ABI2: variants seen among roughly 807,000 people sequenced by gnomAD.
The protein encoded by ABI2 is abelson interactor 2.
ABI2 carries 25 observed loss-of-function variants against 59.2 expected under a neutral mutation model. The observed-to-expected ratio is 0.42, with a 90% CI of 0.31 to 0.59. The LOEUF is 0.59. Ranked by LOEUF, ABI2 falls within the 20% of genes least tolerant of loss-of-function variation. ABI2 has a pLI of 0.14. For synonymous variants in ABI2, 213 were observed against 235.5 expected, an observed-to-expected ratio of 0.90 and a Z score of 0.87; for missense variants, 545 against 681.8, an observed-to-expected ratio of 0.80 and a Z score of 2.23.
chr2:203,337,322 C>T (rs1422734366), intron 1 of ABI2, among the ~76,000 whole-genome samples: 3 of 152,066 alleles, frequency 2.0e-5, no homozygotes, highest in Non-Finnish European at 4.4e-5. Flanking sequence ...GATCAACATA[C>T]AAAAATCTGT....
chr2:203,414,006 T>G (rs1425723821), intron 10 of ABI2, among the ~76,000 whole-genome samples: 3 of 152,172 alleles, frequency 2.0e-5, no homozygotes, highest in Non-Finnish European at 2.9e-5. Flanking sequence ...GTAAGGCCCT[T>G]CCTGCCTCAT....
chr2:203,431,357 T>TA lies in ABI2; in HGVS notation c.*4007dup, dbSNP rs1455249681. The TA allele has an allele frequency of 1.3e-5, 2 of 152,648 alleles. No homozygotes were observed. Among genetic ancestry groups the TA allele is most frequent in the African/African-American group, 4.8e-5 (2 of 41,460 alleles). 9.5% of individuals were successfully genotyped at this position (152,648 alleles called of 1,614,324 possible). The stretch of plus-strand genomic sequence containing the variant: ...ATGTGCTGTATTTTTCTTTAAAAGT[T>TA]AAGAGTTCTATTTGGTGTTTTCAGG... On this transcript the variant is annotated 3_prime_UTR_variant, in exon 12 of 12. Coordinates refer to ENST00000261018, the MANE Select transcript of ABI2 (RefSeq NM_001375670.1).
At chr2:203,396,627 G>A (rs1462498496) in intron 7 of ABI2, among the ~76,000 whole-genome samples, 158 bp from the exon 8 acceptor site, 2 of 152,122 alleles carry the variant, frequency 1.3e-5, no homozygotes, top group African/African-American at 4.8e-5. Context: ...TGCTTATATA[G>A]TAATCCTTTA....
intron 1 of ABI2, among the ~76,000 whole-genome samples, chr2:203,335,856 T>A (rs559277745): frequency 5.9e-5 from 9 of 152,336 alleles, no homozygotes; most frequent in Non-Finnish European, 1.0e-4. Context: ...CAAGTCACCC[T>A]TTTTAGGTGT....
intron 2 of ABI2, among the ~76,000 whole-genome samples, chr2:203,378,303 G>A (rs1329202280): frequency 1.3e-5 from 2 of 152,114 alleles, no homozygotes; most frequent in African/African-American, 2.4e-5. Flanking sequence ...AGTAGAGACG[G>A]GGTTTCACCG....
intron 11 of ABI2, among the ~76,000 whole-genome samples, chr2:203,424,860 A>G (rs994318447): frequency 1.1e-4 from 17 of 152,100 alleles, no homozygotes; most frequent in African/African-American, 2.7e-4. Context: ...TGTAAATTCT[A>G]TCTAATCTAG....
chr2:203,419,767 AC>A (rs1286367082), intron 11 of ABI2, among the ~76,000 whole-genome samples: 1 of 151,922 alleles, frequency 6.6e-6, no homozygotes. Flanking sequence ...GGCGGGCCGA[AC>A]ACCTGAGGTT....
chr2:203,399,598 C>G (rs2153429811), intron 8 of ABI2, among the ~76,000 whole-genome samples: 1 of 152,326 alleles, frequency 6.6e-6, no homozygotes, highest in African/African-American at 2.4e-5. Flanking sequence ...TCACTGCAAT[C>G]TCCGCCTCGC....
At chr2:203,411,519 A>G in intron 10 of ABI2, 148 bp downstream of exon 10, 3 of 652,776 alleles carry the variant, frequency 4.6e-6, no homozygotes, top group Non-Finnish European at 7.7e-6. Flanking sequence ...GAGATAAAAT[A>G]GAGAAATTTT....
chr2:203,345,698 C>G (rs761027989), intron 1 of ABI2, among the ~76,000 whole-genome samples: 16 of 151,130 alleles, frequency 1.1e-4, no homozygotes, highest in Admixed American at 3.9e-4. Context: ...CCTGAGCCAC[C>G]ACGCCCAGCC....
intron 9 of ABI2, among the ~76,000 whole-genome samples, chr2:203,405,805 G>T (rs1209339219): frequency 6.6e-6 from 1 of 152,136 alleles, no homozygotes; most frequent in Non-Finnish European, 1.5e-5. Context: ...TATAAATTCA[G>T]TGGGGTTCTG....
At chr2:203,340,170 A>T (rs12617119) in intron 1 of ABI2, among the ~76,000 whole-genome samples, 151,650 of 152,284 alleles carry the variant, frequency 1, 75,511 homozygotes, top group East Asian at 1. Context: ...ATCTAAAAAG[A>T]TGAACCCATA....
At position 203,353,554 on chromosome 2, in the gene ABI2, A is replaced by G. The variant is rs553393862; in HGVS notation, c.118-13323A>G. Among the ~76,000 whole-genome samples, 87 of 152,288 alleles carry G rather than the reference A, an allele frequency of 5.7e-4. 1 individual carries two copies. Among genetic ancestry groups the G allele is most frequent in the Middle Eastern group, 3.4e-3 (1 of 294 alleles). ...GAGTGCAGTGGCATGGTCTTCTCTCACAGCAACCTCTGCCTCCCGGGCTCA... is the reference window on the plus strand; with the variant it reads ...GAGTGCAGTGGCATGGTCTTCTCTCGCAGCAACCTCTGCCTCCCGGGCTCA... On this transcript the variant is annotated intron_variant, in intron 1 of 11. Coordinates refer to ENST00000261018, the MANE Select transcript of ABI2 (RefSeq NM_001375670.1).
Position 203,395,916 on chromosome 2 carries a change from T to G in ABI2, c.850+136T>G, listed in dbSNP as rs1253625160. ...TCATAAATATTGGGAAGTCTATATA[T>G]TTGTTATTTGTAAGCAAGTGATTTG... On this transcript the variant is annotated intron_variant, in intron 7 of 11. Transcript: ENST00000261018. 7.5e-6 allele frequency: 8 copies of G among 1,060,064 alleles called. No individual in the cohort carries two copies. The Admixed American group carries it at 2.1e-4, about 27-fold the overall frequency. 65.7% of individuals were successfully genotyped at this position (1,060,064 alleles called of 1,614,324 possible).
intron 1 of ABI2, among the ~76,000 whole-genome samples, chr2:203,338,703 G>A (rs965556708): frequency 6.6e-6 from 1 of 151,334 alleles, no homozygotes; most frequent in Non-Finnish European, 1.5e-5. Flanking sequence ...AGAAAACATA[G>A]GGGAAAAAGC....
At chr2:203,349,049 C>G (rs1335239304) in intron 1 of ABI2, among the ~76,000 whole-genome samples, 1 of 151,878 alleles carries the variant, frequency 6.6e-6, no homozygotes, top group Non-Finnish European at 1.5e-5. Context: ...TCTCCTGCCT[C>G]AGCCTCCTGA....
chr2:203,399,706 G>T (rs926782052), intron 8 of ABI2, among the ~76,000 whole-genome samples: 1 of 152,028 alleles, frequency 6.6e-6, no homozygotes, highest in Non-Finnish European at 1.5e-5. Flanking sequence ...GTAGAGACGG[G>T]GTTTCACCAC....
At chr2:203,384,301 T>G (rs28398013) in intron 4 of ABI2, among the ~76,000 whole-genome samples, 89,608 of 119,376 alleles carry the variant, frequency 0.75, 32,549 homozygotes, top group South Asian at 0.86. Flanking sequence ...TTTTTTTTTT[T>G]TTTTTTTTTT....
intron 10 of ABI2, among the ~76,000 whole-genome samples, chr2:203,416,167 T>C (rs2097883785): frequency 6.6e-6 from 1 of 152,232 alleles, no homozygotes; most frequent in African/African-American, 2.4e-5. Flanking sequence ...TGAAAAAATA[T>C]TTTAAGAATT....
Sources: allele counts gnomAD v4.1 joint callset (sites outside exome capture counted in the v4.1 genomes callset), GRCh38; gene constraint gnomAD v4.1.1; transcripts MANE v1.5; gene names NCBI Gene and HGNC (gene_info 2026-07-23, HGNC 2026-07-21).